Variants in SPOCD1 observed in about 807,000 individuals in gnomAD.
SPOCD1 encodes SPOC domain-containing protein 1.
A neutral mutation model predicts 92.2 loss-of-function variants in SPOCD1; 64 were observed. The ratio of observed to expected loss-of-function variants is 0.69; its 90% CI spans 0.57 to 0.86. SPOCD1 has a LOEUF of 0.86. Among genes scored for constraint, SPOCD1 ranks in the 40% least tolerant of loss-of-function variants. The pLI, the probability that SPOCD1 is intolerant of heterozygous loss-of-function variation, is 0.00. For synonymous variants in SPOCD1, 578 were observed against 619.3 expected (o/e 0.93, Z 0.99); for missense variants, 1,360 against 1,543.1 (o/e 0.88, Z 1.99).
At position 31,814,217 on chromosome 1, in the gene SPOCD1, T is replaced by G. The variant is rs769432576; in HGVS notation, c.1117A>C (p.Arg373=). 33 of 1,579,818 alleles carry G rather than the reference T, an allele frequency of 2.1e-5. No homozygotes were observed. The highest frequency in any genetic ancestry group is 1.5e-5 in the Non-Finnish European group (17 of 1,162,256). ...GCGAGTCCTTGCTCCAGCCTTCCCCTGGAAGCTGGCTGAGCCTTGGCCTCC... is the reference window on the plus strand; with the variant it reads ...GCGAGTCCTTGCTCCAGCCTTCCCCGGGAAGCTGGCTGAGCCTTGGCCTCC... ...ELEAKAQPAS[R]GRLEQGLAAP... is the part of the protein sequence containing the mutation. Residue 373 remains arginine (R), a synonymous_variant, in exon 2 of 16, where the codon AGG becomes CGG. Transcript: ENST00000360482. The surrounding 1 kb of genome is among the most constrained non-coding windows in gnomAD (Gnocchi z 4.2).
chr1:31,799,122 C>G (rs1053891701), intron 7 of SPOCD1, among the ~76,000 whole-genome samples: 1 of 152,186 alleles, frequency 6.6e-6, no homozygotes, highest in Non-Finnish European at 1.5e-5. Flanking sequence ...ACACACTCTA[C>G]GTGAAAGCAT....
Position 31,813,938 on chromosome 1 carries a change from A to G in SPOCD1, c.1383+13T>C, listed in dbSNP as rs200348929. 1.3e-6 allele frequency: 2 copies of G among 1,487,448 alleles called. No homozygotes were observed. The highest frequency in any genetic ancestry group is 2.3e-5 in the East Asian group (1 of 42,916). 92.1% of individuals were successfully genotyped at this position (1,487,448 alleles called of 1,614,324 possible). ...CAGGCCCTTCCTATCCCAAACTCTC[A>G]GACTCAGCTCACCAGTCTGGGGCAG... On this transcript the variant is annotated intron_variant, in intron 2 of 15. Transcript: ENST00000360482.
intron 10 of SPOCD1, chr1:31,794,480 CT>C (rs981143806): frequency 6.8e-4 from 214 of 313,880 alleles, no homozygotes; most frequent in Non-Finnish European, 1.0e-3. Flanking sequence ...CCTTTACAAT[CT>C]TTTTCTTTTT....
At chr1:31,804,672 G>A (rs1175063441) in intron 2 of SPOCD1, among the ~76,000 whole-genome samples, 1 of 124,356 alleles carries the variant, frequency 8.0e-6, no homozygotes, top group Non-Finnish European at 1.7e-5. Flanking sequence ...CAGAAGGAAG[G>A]AAAAACAATC....
At position 31,799,261 on chromosome 1, in the gene SPOCD1, T is replaced by G. The variant is rs1281599182; in HGVS notation, c.1868+140A>C. The G allele has an allele frequency of 4.3e-6, 3 of 704,960 alleles. No individual in the cohort carries two copies. The African/African-American group carries it at 5.4e-5, about 13-fold the overall frequency. 43.7% of individuals were successfully genotyped at this position (704,960 alleles called of 1,614,324 possible). A position where few individuals can be genotyped will look rare whatever the true frequency, so the allele number is the denominator to read the frequency against. ...ATTTCAGCTCTCCACTGGCTCTTGG[T>G]ATGGGCAAGGGACCTGGCACAGCTA... On this transcript the variant is annotated intron_variant, in intron 7 of 15. Coordinates refer to ENST00000360482, the MANE Select transcript of SPOCD1 (RefSeq NM_144569.7).
At chr1:31,796,975 C>G (rs1056705058) in intron 9 of SPOCD1, among the ~76,000 whole-genome samples, 4 of 152,196 alleles carry the variant, frequency 2.6e-5, no homozygotes, top group African/African-American at 9.7e-5. Flanking sequence ...TCAATTCAAC[C>G]TCTGACGGTA....
intron 14 of SPOCD1, 99 bp downstream of exon 14, chr1:31,792,579 A>G: frequency 8.4e-7 from 1 of 1,183,846 alleles, no homozygotes; most frequent in Non-Finnish European, 1.2e-6. Flanking sequence ...TCTGGGAACT[A>G]GACCCAGATA....
chr1:31,814,896 AG>A lies in SPOCD1; in HGVS notation c.437del (p.Ala146ValfsTer14). ...CSRSAGLPER[A>X]LACRERLAGV... ...CTGCAAGCCTCTCCCTGCAGGCCAG[AG>A]CTCTCTCTGGGAGGCCAGCAGACCT... On this transcript the variant is annotated frameshift_variant, in exon 2 of 16. Transcript: ENST00000360482. LOFTEE classifies it high-confidence loss of function. The surrounding 1 kb of genome is among the most constrained non-coding windows in gnomAD (Gnocchi z 4.2). 2 of 1,613,702 alleles carry A rather than the reference AG, an allele frequency of 1.2e-6. No individual in the cohort carries two copies. Among genetic ancestry groups the A allele is most frequent in the South Asian group, 2.2e-5 (2 of 91,078 alleles).
At chr1:31,806,691 G>A (rs957311344) in intron 2 of SPOCD1, among the ~76,000 whole-genome samples, 11 of 151,842 alleles carry the variant, frequency 7.2e-5, no homozygotes, top group African/African-American at 2.7e-4. Context: ...GATTACAGGT[G>A]CCCACCACCA....
chr1:31,793,427 C>T lies in SPOCD1; in HGVS notation c.2536G>A (p.Val846Ile). Residue 846 changes from valine to isoleucine, a missense_variant and splice_region_variant, in exon 13 of 16, where the codon GTC (valine) becomes ATC (isoleucine). By Grantham distance (29) the Val-to-Ile change is conservative. This residue lies in a region of SPOCD1 where 614 missense variants were observed against 757.8 expected (regional missense o/e 0.81). Coordinates refer to ENST00000360482, the MANE Select transcript of SPOCD1 (RefSeq NM_144569.7). ...ELSPTEPQDR[V>I]PPSGLHVPAA... ...GGCACATGGAGCCCAGATGGAGGGA[C>T]CCTAGAGGGAGGGACAGAAGACAGG... 6.3e-7 allele frequency: 1 copy of T among 1,587,654 alleles called. No individual in the cohort carries two copies. The highest frequency in any genetic ancestry group is 8.6e-7 in the Non-Finnish European group (1 of 1,166,842).
Position 31,815,404 on chromosome 1 carries a change from T to C in SPOCD1, c.-39-32A>G. The C allele has an allele frequency of 2.7e-6, 4 of 1,461,308 alleles. No individual in the cohort carries two copies. The South Asian group carries it at 4.5e-5, about 16-fold the overall frequency. 90.5% of individuals were successfully genotyped at this position (1,461,308 alleles called of 1,614,324 possible). On this transcript the variant is annotated intron_variant, in intron 1 of 15. Transcript: ENST00000360482. ...GGAGACAGAAAGAGGAGACTTTGTC[T>C]TGGAGAGTCCGACCTGTCAGCCCGT...
At chr1:31,800,341 A>G (rs1648362255) in intron 4 of SPOCD1, 100 bp downstream of exon 4, 1 of 1,439,766 alleles carries the variant, frequency 6.9e-7, no homozygotes, top group Admixed American at 2.6e-5. Flanking sequence ...AATGACCGCG[A>G]GCAAGTGGCA....
Position 31,809,527 on chromosome 1 carries a change from C to CAA in SPOCD1, c.1383+4422_1383+4423dup, listed in dbSNP as rs386366637. 9.3e-3 allele frequency among the ~76,000 whole-genome samples: 1,339 copies of CAA among 144,588 alleles called. 10 individuals are homozygous for CAA. Among genetic ancestry groups the CAA allele is most frequent in the African/African-American group, 0.028 (1,086 of 38,800 alleles). The allele number at this position is 144,588 out of a possible 152,430, so 94.9% of individuals were successfully genotyped here. ...TCACAGCAGCACTATATGTAGTAGC[C>CAA]AAAAAAAAAAACACCAAAAAACCCA... is the stretch of plus-strand genomic sequence containing the variant. On this transcript the variant is annotated intron_variant, in intron 2 of 15. Coordinates refer to ENST00000360482, the MANE Select transcript of SPOCD1 (RefSeq NM_144569.7).
At chr1:31,810,485 C>G (rs1194967178) in intron 2 of SPOCD1, among the ~76,000 whole-genome samples, 1 of 151,764 alleles carries the variant, frequency 6.6e-6, no homozygotes, top group East Asian at 1.9e-4. Flanking sequence ...TCCTGGGTAG[C>G]TGGAACTACA....
intron 2 of SPOCD1, among the ~76,000 whole-genome samples, chr1:31,808,678 T>C (rs1267893471): frequency 2.6e-5 from 4 of 152,038 alleles, no homozygotes; most frequent in Admixed American, 2.6e-4. Context: ...AACACTATAC[T>C]AACAGTCTTA....
chr1:31,814,027 C>T lies in SPOCD1; in HGVS notation c.1307G>A (p.Arg436Gln), dbSNP rs1025569220. 1.1e-5 allele frequency: 17 copies of T among 1,610,836 alleles called. No individual in the cohort carries two copies. The Admixed American group carries it at 1.5e-4, about 14-fold the overall frequency. ...KKGPVPCAQD[R>Q]GTDRSSDNSH... ...GTTGTCTGAGCTTCTGTCTGTGCCC[C>T]GGTCTTGGGCACAGGGCACTGGACC... The change falls in exon 2 of 16, where the codon CGG (arginine) becomes CAG (glutamine). Residue 436 changes from arginine (R) to glutamine (Q), a missense_variant. This residue lies in a region of SPOCD1 where 606 missense variants were observed against 601.5 expected (regional missense o/e 1.01). Transcript: ENST00000360482. This position sits in a 1 kb window ranked among gnomAD's most constrained non-coding sequence, Gnocchi z 4.2.
intron 2 of SPOCD1, among the ~76,000 whole-genome samples, chr1:31,810,795 C>T (rs1417035450): frequency 6.6e-6 from 1 of 152,242 alleles, no homozygotes; most frequent in Non-Finnish European, 1.5e-5. Context: ...CACCTCTTGA[C>T]ACTTTGCAGC....
At chr1:31,792,146 T>A in intron 15 of SPOCD1, 69 bp downstream of exon 15, 1 of 1,509,120 alleles carries the variant, frequency 6.6e-7, no homozygotes, top group Non-Finnish European at 9.0e-7. Flanking sequence ...TGGGTGACTG[T>A]GTCAACCGTG....
Position 31,794,190 on chromosome 1 carries a change from C to G in SPOCD1, c.2317G>C (p.Ala773Pro), listed in dbSNP as rs34341430. The change falls in exon 11 of 16, where the codon GCA becomes CCA. Residue 773 changes from alanine (A) to proline (P), a missense_variant. By Grantham distance (27) the Ala-to-Pro change is conservative. This residue lies in a region of SPOCD1 where 614 missense variants were observed against 757.8 expected (regional missense o/e 0.81). Transcript: ENST00000360482. ...MDCSPQALPI[A>P]SEDTTGQHDH... is the part of the protein sequence containing the mutation. The stretch of plus-strand genomic sequence containing the variant: ...TGCTGCCCCGTGGTGTCCTCTGATG[C>G]GATGGGCAGGGCCTGTGGGCTGCAG... The G allele has an allele frequency of 1.9e-6, 3 of 1,613,738 alleles. No homozygotes were observed. The Admixed American group carries it at 5.0e-5, about 27-fold the overall frequency.
Sources: allele counts gnomAD v4.1 joint callset (sites outside exome capture counted in the v4.1 genomes callset), GRCh38; gene constraint gnomAD v4.1.1; regional missense constraint gnomAD v4.1.1; non-coding constraint Gnocchi (gnomAD v3.1); transcripts MANE v1.5; gene names NCBI Gene and HGNC (gene_info 2026-07-23, HGNC 2026-07-21).